Variants in KAZN observed in about 807,000 individuals in gnomAD.
The protein encoded by KAZN is kazrin.
Under a neutral mutation model 87.4 loss-of-function variants are expected in KAZN, and 40 were observed. The ratio of observed to expected loss-of-function variants is 0.46; its 90% confidence interval spans 0.36 to 0.60. KAZN has a LOEUF of 0.60. Ranked by LOEUF, KAZN falls within the 20% of genes least tolerant of loss-of-function variation. The pLI is 0.00. For missense variants in KAZN, 898 were observed against 1,073.9 expected (o/e 0.84, Z 2.29); for synonymous variants, 466 against 458.3 (o/e 1.02, Z -0.22).
At chr1:15,010,848 C>G (rs1669510141) in intron 2 of KAZN, among the ~76,000 whole-genome samples, 1 of 152,142 alleles carries the variant, frequency 6.6e-6, no homozygotes. Context: ...CTACTGTTTG[C>G]TTACCCACTG....
intron 2 of KAZN, among the ~76,000 whole-genome samples, chr1:14,970,339 G>A (rs550017144): frequency 1.3e-5 from 2 of 152,106 alleles, no homozygotes; most frequent in African/African-American, 4.8e-5. Context: ...CCTGTATCAC[G>A]TGGGCGGGGC....
intron 1 of KAZN, among the ~76,000 whole-genome samples, chr1:14,741,920 A>G (rs1191279047): frequency 6.6e-6 from 1 of 151,812 alleles, no homozygotes; most frequent in Admixed American, 6.6e-5. Context: ...AACCAATTCA[A>G]TGTTGCTTCT....
At chr1:15,092,073 A>ATTTTT (rs58871336) in intron 8 of KAZN, among the ~76,000 whole-genome samples, 19 of 75,466 alleles carry the variant, frequency 2.5e-4, no homozygotes, top group East Asian at 1.1e-3. Context: ...TTTTTTTTTG[A>ATTTTT]TTTTTTTTTT....
intron 1 of KAZN, among the ~76,000 whole-genome samples, chr1:14,884,691 A>G (rs1026352499): frequency 3.3e-5 from 5 of 152,234 alleles, no homozygotes; most frequent in Non-Finnish European, 5.9e-5. Flanking sequence ...ATTCTGATTC[A>G]GTAGCTCTGA....
At chr1:14,874,746 A>C (rs1164919980) in intron 1 of KAZN, among the ~76,000 whole-genome samples, 1 of 152,188 alleles carries the variant, frequency 6.6e-6, no homozygotes, top group Non-Finnish European at 1.5e-5. Flanking sequence ...GAGAATCTTG[A>C]CATCTTCTGG....
chr1:15,022,887 G>A (rs1253393557), intron 2 of KAZN, among the ~76,000 whole-genome samples: 1 of 152,220 alleles, frequency 6.6e-6, no homozygotes, highest in Non-Finnish European at 1.5e-5. Flanking sequence ...GGAGAACCAG[G>A]GAAGGGGCAG....
At chr1:14,390,949 T>C (rs137978297) in intron 2 of KAZN, among the ~76,000 whole-genome samples, 4 of 152,308 alleles carry the variant, frequency 2.6e-5, no homozygotes, top group Non-Finnish European at 4.4e-5. Flanking sequence ...ACCACAGCAG[T>C]TGGCAAAGGG....
chr1:14,471,917 C>G (rs559949556), intron 2 of KAZN, among the ~76,000 whole-genome samples: 2 of 152,310 alleles, frequency 1.3e-5, no homozygotes, highest in Non-Finnish European at 2.9e-5. Flanking sequence ...ATGTATTAGT[C>G]TCTTACCCGC....
intron 2 of KAZN, among the ~76,000 whole-genome samples, chr1:14,411,606 A>G (rs1349280296): frequency 1.3e-5 from 2 of 152,224 alleles, no homozygotes; most frequent in African/African-American, 2.4e-5. Context: ...CCCTGGCAAG[A>G]CTAAATTTCC....
intron 1 of KAZN, among the ~76,000 whole-genome samples, chr1:13,959,185 G>A (rs572182764): frequency 2.0e-4 from 31 of 152,286 alleles, no homozygotes; most frequent in Non-Finnish European, 3.8e-4. Flanking sequence ...GCTAGCTAGC[G>A]CTTTCTACCA....
chr1:14,913,181 T>A (rs1001380489), intron 1 of KAZN, among the ~76,000 whole-genome samples: 20 of 152,164 alleles, frequency 1.3e-4, no homozygotes, highest in Admixed American at 5.2e-4. Flanking sequence ...TGCCTTGTGT[T>A]TCAGGGGGAG....
At chr1:13,997,874 A>G (rs1639599920) in intron 1 of KAZN, among the ~76,000 whole-genome samples, 1 of 152,186 alleles carries the variant, frequency 6.6e-6, no homozygotes, top group East Asian at 1.9e-4. Context: ...AGAGAACACC[A>G]CTAAGATACA....
At position 14,644,615 on chromosome 1, in the gene KAZN, C is replaced by G. The variant is rs527369901; in HGVS notation, c.226+45392C>G. 2.0e-5 allele frequency among the ~76,000 whole-genome samples: 3 copies of G among 152,304 alleles called. No individual in the cohort carries two copies. The East Asian group carries it at 5.8e-4, about 29-fold the overall frequency. Reference sequence around the variant, plus strand: ...TGAGCTCGTGATCCGCCTGCCTTGGCCTCCCAAAGTGCTGGGATTACAAGT... The same window carrying G: ...TGAGCTCGTGATCCGCCTGCCTTGGGCTCCCAAAGTGCTGGGATTACAAGT... On this transcript the variant is annotated intron_variant, in intron 1 of 14. Transcript: ENST00000376030.
At chr1:14,675,022 C>G (rs1466403285) in intron 1 of KAZN, among the ~76,000 whole-genome samples, 2 of 152,172 alleles carry the variant, frequency 1.3e-5, no homozygotes, top group African/African-American at 2.4e-5. Context: ...ATTTTATCTT[C>G]AAGGCTCCCA....
At chr1:14,493,204 C>T (rs936848307) in intron 2 of KAZN, among the ~76,000 whole-genome samples, 2 of 152,046 alleles carry the variant, frequency 1.3e-5, no homozygotes, top group Non-Finnish European at 2.9e-5. Context: ...GTGCTGTACA[C>T]TCATCTGTGT....
At chr1:14,770,518 G>A (rs1009387105) in intron 1 of KAZN, among the ~76,000 whole-genome samples, 2 of 152,142 alleles carry the variant, frequency 1.3e-5, no homozygotes, top group African/African-American at 4.8e-5. Flanking sequence ...TAAGGAACAC[G>A]GGTGGTTCTG....
intron 1 of KAZN, among the ~76,000 whole-genome samples, chr1:14,608,969 G>A (rs1297113462): frequency 6.6e-6 from 1 of 152,054 alleles, no homozygotes; most frequent in African/African-American, 2.4e-5. Flanking sequence ...ATTTGAAATT[G>A]GCAAGAATAC....
At chr1:15,103,543 C>CA (rs1641170746) in intron 12 of KAZN, 83 bp downstream of exon 12, 2 of 884,194 alleles carry the variant, frequency 2.3e-6, no homozygotes, top group Non-Finnish European at 3.7e-6. Context: ...ATATGCAAAT[C>CA]ACATGCAAAT....
intron 2 of KAZN, among the ~76,000 whole-genome samples, chr1:14,395,596 T>C (rs1662828057): frequency 6.6e-6 from 1 of 152,138 alleles, no homozygotes; most frequent in Non-Finnish European, 1.5e-5. Flanking sequence ...CTAATTTACT[T>C]ACCCCGACAC....
Sources: gnomAD v4.1 joint callset for allele counts (sites outside exome capture counted in the v4.1 genomes callset) on GRCh38, gnomAD v4.1.1 for gene constraint, MANE v1.5 for transcripts, NCBI Gene and HGNC (gene_info 2026-07-23, HGNC 2026-07-21) for gene names.